TTLL8: variants seen among roughly 807,000 people sequenced by gnomAD.
TTLL8 encodes the protein tubulin tyrosine ligase like 8.
In TTLL8, 65 loss-of-function variants were observed where a neutral mutation model predicts 77.8. The ratio of observed to expected loss-of-function variants is 0.84; its 90% CI spans 0.68 to 1.03. The LOEUF is 1.03. Among genes scored for constraint, TTLL8 ranks in the 50% least tolerant of loss-of-function variants. TTLL8 has a pLI of 0.00. For missense variants in TTLL8, 910 were observed against 1,004.5 expected, an observed-to-expected ratio of 0.91 and a Z score of 1.27; for synonymous variants, 402 against 422.8, an observed-to-expected ratio of 0.95 and a Z score of 0.60.
At chr22:50,024,135 T>G (rs2061219247) in intron 12 of TTLL8, among the ~76,000 whole-genome samples, 1 of 152,162 alleles carries the variant, frequency 6.6e-6, no homozygotes, top group Non-Finnish European at 1.5e-5. Flanking sequence ...ATATTTGGTT[T>G]TGTTTTGTGT....
At chr22:50,019,660 AG>A (rs2061183948) in intron 12 of TTLL8, among the ~76,000 whole-genome samples, 1 of 152,182 alleles carries the variant, frequency 6.6e-6, no homozygotes, top group African/African-American at 2.4e-5. Context: ...CCTTCAGATG[AG>A]GCTGCCTCAG....
chr22:50,034,881 T>G lies in TTLL8; in HGVS notation c.922-419A>C, dbSNP rs1601919614. On this transcript the variant is annotated intron_variant, in intron 8 of 13. Coordinates refer to ENST00000266182, the Ensembl canonical transcript of TTLL8. The surrounding 1 kb of genome is among the most constrained non-coding windows in gnomAD (Gnocchi z 4.1). ...ATGCCCAGCTTCCGCCTGTGGTTGG[T>G]GGTGCCTGGGACCGACCCCTGGTAG... 1.3e-5 allele frequency among the ~76,000 whole-genome samples: 2 copies of G among 152,126 alleles called. No individual in the cohort carries two copies. The highest frequency in any genetic ancestry group is 4.1e-4 in the South Asian group (2 of 4,832).
chr22:50,021,344 A>ATG (rs2061197998), intron 12 of TTLL8, among the ~76,000 whole-genome samples: 1 of 73,582 alleles, frequency 1.4e-5, no homozygotes, highest in African/African-American at 5.4e-5. Context: ...TCCATCTGAT[A>ATG]TGCACTCCTC....
Position 50,033,461 on chromosome 22 carries a change from G to A in TTLL8, c.1040-16C>T, listed in dbSNP as rs750491137. 1.7e-5 allele frequency: 23 copies of A among 1,352,994 alleles called. No homozygotes were observed. The highest frequency in any genetic ancestry group is 1.3e-4 in the Admixed American group (7 of 52,310). 83.8% of individuals were successfully genotyped at this position (1,352,994 alleles called of 1,614,324 possible). A position where few individuals can be genotyped will look rare whatever the true frequency, so the allele number is the denominator to read the frequency against. On this transcript the variant is annotated splice_polypyrimidine_tract_variant and intron_variant, in intron 9 of 13. Coordinates refer to ENST00000266182, the Ensembl canonical transcript of TTLL8. ...CACACTATGTCTGCAAGAGGCCACCGCTCAACCCAGCATGCACAGCCACTG... is the reference window on the plus strand; with the variant it reads ...CACACTATGTCTGCAAGAGGCCACCACTCAACCCAGCATGCACAGCCACTG...
At chr22:50,038,885 C>A (rs1415131908) in intron 8 of TTLL8, among the ~76,000 whole-genome samples, 5 of 151,660 alleles carry the variant, frequency 3.3e-5, no homozygotes, top group African/African-American at 1.2e-4. Flanking sequence ...TATTAAGTTT[C>A]ATCAATTTTT....
At chr22:50,047,575 G>C (rs541728041) in intron 3 of TTLL8, among the ~76,000 whole-genome samples, 1 of 152,164 alleles carries the variant, frequency 6.6e-6, no homozygotes, top group African/African-American at 2.4e-5. Flanking sequence ...TGGGGTCTAC[G>C]TGGGTGTGGG....
At chr22:50,027,791 C>T (rs949357383) in intron 12 of TTLL8, 23 of 985,332 alleles carry the variant, frequency 2.3e-5, no homozygotes, top group South Asian at 4.7e-5. Flanking sequence ...AGCCTGAGGC[C>T]GAGGGGCACA....
chr22:50,054,129 A>C (rs142693715), intron 1 of TTLL8, among the ~76,000 whole-genome samples: 1 of 152,312 alleles, frequency 6.6e-6, no homozygotes, highest in African/African-American at 2.4e-5. Flanking sequence ...AGTTAAGGGA[A>C]TGCAGATGTT....
chr22:50,028,613 G>T (rs140475741), intron 12 of TTLL8, among the ~76,000 whole-genome samples: 1 of 89,114 alleles, frequency 1.1e-5, no homozygotes, highest in African/African-American at 4.3e-5. Flanking sequence ...CCATCACACC[G>T]TCCTGAAGAC....
chr22:50,030,122 G>T, intron 12 of TTLL8: 1 of 968,658 alleles, frequency 1.0e-6, no homozygotes, highest in Non-Finnish European at 1.2e-6. Flanking sequence ...CAAATCCTCC[G>T]ACCCGCGCCA....
intron 3 of TTLL8, 54 bp downstream of exon 5, chr22:50,049,195 T>C (rs1316664082): frequency 3.7e-6 from 5 of 1,366,036 alleles, no homozygotes; most frequent in Non-Finnish European, 4.9e-6. Flanking sequence ...AGGGCGACGG[T>C]GTGAGAAGCT....
intron 12 of TTLL8, among the ~76,000 whole-genome samples, chr22:50,027,380 A>G (rs919279128): frequency 1.3e-5 from 2 of 150,400 alleles, no homozygotes; most frequent in African/African-American, 4.9e-5. Flanking sequence ...CTAAAATACA[A>G]AATATTAACT....
chr22:50,037,220 T>C (rs2061343031), intron 8 of TTLL8, among the ~76,000 whole-genome samples: 1 of 152,140 alleles, frequency 6.6e-6, no homozygotes, highest in African/African-American at 2.4e-5. Context: ...TTTTTTTTTT[T>C]TTGAGACAGA....
At chr22:50,030,061 G>A in intron 12 of TTLL8, 1 of 725,132 alleles carries the variant, frequency 1.4e-6, no homozygotes, top group Non-Finnish European at 1.7e-6. Context: ...TTGGCCCCTC[G>A]CTCGGCCAGG....
Position 50,034,360 on chromosome 22 carries a change from G to T in TTLL8, c.1024C>A (p.Arg342=), listed in dbSNP as rs766476425. Residue 342 remains arginine, a synonymous_variant, in exon 9 of 14, where the codon CGA becomes AGA. Transcript: ENST00000266182. This position sits in a 1 kb window ranked among gnomAD's most constrained non-coding sequence, Gnocchi z 4.1. ...GCATCCGCACCAGGGGACTCACCTC[G>T]GCCCCGGGACTTGGCCGCGGGCTTT... The T allele has an allele frequency of 1.5e-5, 20 of 1,366,042 alleles. 1 individual carries two copies. In the South Asian group the frequency reaches 2.2e-4, roughly 15 times the overall value. The allele number at this position is 1,366,042 out of a possible 1,614,324, so 84.6% of individuals were successfully genotyped here. A position where few individuals can be genotyped will look rare whatever the true frequency, so the allele number is the denominator to read the frequency against.
intron 10 of TTLL8, among the ~76,000 whole-genome samples, chr22:50,032,573 T>C (rs1289906110): frequency 6.6e-6 from 1 of 152,180 alleles, no homozygotes; most frequent in Admixed American, 6.5e-5. Flanking sequence ...TTAACTCCCC[T>C]GCAAGGTCTG....
chr22:50,024,883 G>A (rs2061222875), intron 12 of TTLL8, among the ~76,000 whole-genome samples: 1 of 152,232 alleles, frequency 6.6e-6, no homozygotes, highest in Non-Finnish European at 1.5e-5. Context: ...ACTGTCTTCA[G>A]ATTACAGGGG....
rs374153011 is a variant in TTLL8, at chr22:50,035,784, C to T, written c.922-1322G>A. Among the ~76,000 whole-genome samples the T allele has an allele frequency of 2.8e-4, 43 of 152,314 alleles. 3 individuals carry two copies. In the East Asian group the frequency reaches 2.9e-3, roughly 10 times the overall value. On this transcript the variant is annotated intron_variant, in intron 8 of 13. Transcript: ENST00000266182. ...GGATACCAGCAAGCTCCCAGTGACACGGGGCTACAGCGACTCCCTCAGGAG... is the reference window on the plus strand; with the variant it reads ...GGATACCAGCAAGCTCCCAGTGACATGGGGCTACAGCGACTCCCTCAGGAG...
upstream of TTLL8, among the ~76,000 whole-genome samples, chr22:50,056,619 G>A (rs959005713): frequency 3.4e-4 from 51 of 152,180 alleles, no homozygotes; most frequent in Non-Finnish European, 1.5e-4. This position sits in a 1 kb window ranked among gnomAD's most constrained non-coding sequence, Gnocchi z 4.1. Context: ...ACACCCACAC[G>A]TTTAATTTCC....
Sources: gnomAD v4.1 joint callset for allele counts (sites outside exome capture counted in the v4.1 genomes callset) on GRCh38, gnomAD v4.1.1 for gene constraint, Gnocchi (gnomAD v3.1) non-coding constraint, MANE v1.5 for transcripts, NCBI Gene and HGNC (gene_info 2026-07-23, HGNC 2026-07-21) for gene names.